CTNNA2: variants seen among roughly 807,000 people sequenced by gnomAD.
CTNNA2 encodes catenin alpha 2.
Under a neutral mutation model 101.0 loss-of-function variants are expected in CTNNA2, and 42 were observed. The ratio of observed to expected loss-of-function variants is 0.42; its 90% CI spans 0.32 to 0.54. The LOEUF (loss-of-function observed/expected upper bound fraction) is 0.54, where lower values mean the gene tolerates loss of function less well. CTNNA2 is among the 20% of genes least tolerant of loss of function. CTNNA2 has a pLI of 0.14. For synonymous variants in CTNNA2, 450 were observed against 456.4 expected, an observed-to-expected ratio of 0.99 and a Z score of 0.18; for missense variants, 871 against 1,223.1, an observed-to-expected ratio of 0.71 and a Z score of 4.29.
At chr2:79,932,229 C>G (rs1687498679) in intron 7 of CTNNA2, among the ~76,000 whole-genome samples, 3 of 152,044 alleles carry the variant, frequency 2.0e-5, no homozygotes, top group Admixed American at 2.0e-4. Context: ...CCAGAGCCCT[C>G]CCTTTCTCTG....
At chr2:79,999,876 T>G (rs1375458638) in intron 7 of CTNNA2, among the ~76,000 whole-genome samples, 1 of 152,150 alleles carries the variant, frequency 6.6e-6, no homozygotes, top group Non-Finnish European at 1.5e-5. Flanking sequence ...ACACTTTTAG[T>G]CACTTACTGA....
At chr2:80,025,729 G>A (rs1694887370) in intron 7 of CTNNA2, among the ~76,000 whole-genome samples, 1 of 152,160 alleles carries the variant, frequency 6.6e-6, no homozygotes, top group African/African-American at 2.4e-5. Context: ...TAAGGAAGTA[G>A]TGACAGCTTG....
At position 79,722,857 on chromosome 2, in the gene CTNNA2, A is replaced by G. The variant is rs527464970; in HGVS notation, c.103-21530A>G. On this transcript the variant is annotated intron_variant, in intron 2 of 18. Transcript: ENST00000402739. Reference sequence around the variant, plus strand: ...TAAATGTAAACATCCAGGTTGTGACAGATCATGATTATGTAGTTGAGAGTT... The same window carrying G: ...TAAATGTAAACATCCAGGTTGTGACGGATCATGATTATGTAGTTGAGAGTT... Among the ~76,000 whole-genome samples the G allele has an allele frequency of 6.6e-5, 10 of 152,256 alleles. No homozygotes were observed. In the South Asian group the frequency reaches 1.9e-3, roughly 28 times the overall value.
intron 2 of CTNNA2, among the ~76,000 whole-genome samples, chr2:79,215,688 G>A (rs1572983021): frequency 6.6e-6 from 1 of 152,128 alleles, no homozygotes; most frequent in Non-Finnish European, 1.5e-5. Flanking sequence ...TCTGATTTGG[G>A]ATTAAAAAAA....
rs527773238 is a variant in CTNNA2 at position 79,952,383 on chromosome 2, C to T, written c.1056+42586C>T. 1.5e-4 allele frequency among the ~76,000 whole-genome samples: 23 copies of T among 152,196 alleles called. No individual in the cohort carries two copies. The South Asian group carries it at 4.8e-3, about 32-fold the overall frequency. ...CAGGGATGGACAGACACTAGATGCT[C>T]AATTAATAACTGCTGAAATAATTGT... On this transcript the variant is annotated intron_variant, in intron 7 of 18. Coordinates refer to ENST00000402739, the MANE Select transcript of CTNNA2 (RefSeq NM_001282597.3).
chr2:80,528,613 TC>T (rs1690245728), intron 9 of CTNNA2, among the ~76,000 whole-genome samples: 1 of 151,932 alleles, frequency 6.6e-6, no homozygotes, highest in Non-Finnish European at 1.5e-5. Context: ...TGAGCCCAAC[TC>T]CACACTTCAG....
At chr2:79,268,669 G>A (rs1369305615) in intron 2 of CTNNA2, among the ~76,000 whole-genome samples, 2 of 152,108 alleles carry the variant, frequency 1.3e-5, no homozygotes, top group African/African-American at 2.4e-5. Context: ...ATCTCCAGCA[G>A]CTAGTGTCAG....
chr2:79,315,639 GATTT>G (rs1316291714), intron 3 of CTNNA2, among the ~76,000 whole-genome samples: 1 of 152,036 alleles, frequency 6.6e-6, no homozygotes, highest in Non-Finnish European at 1.5e-5. Context: ...GAGCACATTT[GATTT>G]ATTTATTAAA....
At chr2:80,599,581 C>T (rs992607505) in intron 15 of CTNNA2, among the ~76,000 whole-genome samples, 3 of 152,050 alleles carry the variant, frequency 2.0e-5, no homozygotes, top group African/African-American at 7.2e-5. Flanking sequence ...CTCTTCTGTT[C>T]ATGATGTGGG....
At chr2:79,628,067 T>C (rs1336036273) in intron 1 of CTNNA2, among the ~76,000 whole-genome samples, 2 of 152,162 alleles carry the variant, frequency 1.3e-5, no homozygotes, top group Admixed American at 1.3e-4. Context: ...TTTTAAGTCA[T>C]TCTTGAGAAA....
At chr2:80,473,016 G>C (rs951592870) in intron 9 of CTNNA2, among the ~76,000 whole-genome samples, 2 of 152,130 alleles carry the variant, frequency 1.3e-5, no homozygotes, top group Admixed American at 6.5e-5. Flanking sequence ...GCATCACACA[G>C]TCACCAAGTC....
chr2:79,894,057 TTCTTCTTCCTCC>T (rs1558619724), intron 6 of CTNNA2, among the ~76,000 whole-genome samples: 2 of 74,822 alleles, frequency 2.7e-5, no homozygotes, highest in Non-Finnish European at 5.5e-5. Context: ...CTTCTTCTTC[TTCTTCTTCCTCC>T]TCCTCCTCCT....
chr2:79,253,975 G>A (rs1319154352), intron 2 of CTNNA2, among the ~76,000 whole-genome samples: 3 of 152,128 alleles, frequency 2.0e-5, no homozygotes, highest in Non-Finnish European at 4.4e-5. Context: ...AGTTTTGGAA[G>A]ACAGCTCATA....
intron 7 of CTNNA2, among the ~76,000 whole-genome samples, chr2:79,913,883 T>C (rs1241105760): frequency 2.6e-5 from 4 of 152,134 alleles, no homozygotes; most frequent in Non-Finnish European, 5.9e-5. Context: ...AGTAGCTTAC[T>C]TGGGCCGGGC....
chr2:79,630,596 C>T (rs1250280621), intron 1 of CTNNA2, among the ~76,000 whole-genome samples: 1 of 152,132 alleles, frequency 6.6e-6, no homozygotes, highest in African/African-American at 2.4e-5. Flanking sequence ...GCATAAAATA[C>T]CCAAAGTGCT....
intron 4 of CTNNA2, among the ~76,000 whole-genome samples, chr2:79,456,935 C>G (rs1670827894): frequency 1.3e-5 from 2 of 152,180 alleles, no homozygotes; most frequent in Non-Finnish European, 2.9e-5. Flanking sequence ...GGCATGGTGG[C>G]TCACGCCTGT....
intron 2 of CTNNA2, among the ~76,000 whole-genome samples, chr2:79,303,783 C>A (rs1311048546): frequency 6.6e-6 from 1 of 151,798 alleles, no homozygotes; most frequent in South Asian, 2.1e-4. Flanking sequence ...GGGCTGCAGC[C>A]TTCACAGGAC....
At chr2:79,840,145 A>G (rs1679692356) in intron 3 of CTNNA2, among the ~76,000 whole-genome samples, 1 of 152,250 alleles carries the variant, frequency 6.6e-6, no homozygotes, top group Admixed American at 6.5e-5. Flanking sequence ...GAATGAAACC[A>G]TGCAATTTTT....
chr2:79,978,070 G>A (rs1449092933), intron 7 of CTNNA2, among the ~76,000 whole-genome samples: 2 of 152,118 alleles, frequency 1.3e-5, no homozygotes, highest in African/African-American at 2.4e-5. Context: ...ACATGAACAG[G>A]CCTTCACTGA....
Sources: gnomAD v4.1 joint callset for allele counts (sites outside exome capture counted in the v4.1 genomes callset) on GRCh38, gnomAD v4.1.1 for gene constraint, MANE v1.5 for transcripts, NCBI Gene and HGNC (gene_info 2026-07-23, HGNC 2026-07-21) for gene names.